CDRT4: variants seen among roughly 807,000 people sequenced by gnomAD.
CDRT4 encodes the protein CMT1A duplicated region transcript 4 protein.
For synonymous variants in CDRT4, 64 were observed against 69.6 expected (o/e 0.92, Z 0.40); for missense variants, 167 against 193.1 (o/e 0.87, Z 0.80).
intron 2 of CDRT4, among the ~76,000 whole-genome samples, chr17:15,446,672 C>T (rs1979042597): frequency 1.3e-5 from 2 of 152,054 alleles, no homozygotes; most frequent in Admixed American, 6.5e-5. Context: ...TTATACAGAC[C>T]GTGCCTCTTT....
At chr17:15,458,074 G>A (rs1251164640) in intron 1 of CDRT4, among the ~76,000 whole-genome samples, 1 of 152,228 alleles carries the variant, frequency 6.6e-6, no homozygotes, top group East Asian at 1.9e-4. Flanking sequence ...TGCAGGGCAA[G>A]GGTACAGTCC....
intron 1 of CDRT4, among the ~76,000 whole-genome samples, chr17:15,461,063 TCTAAA>T (rs1479930789): frequency 6.6e-6 from 1 of 152,218 alleles, no homozygotes; most frequent in Non-Finnish European, 1.5e-5. Context: ...AACTTCCTAC[TCTAAA>T]CTAGCCACTC....
In CDRT4 at chr17:15,437,536, A is replaced by G. The variant is rs1170512304; in HGVS notation, c.*237T>C. 6.4e-5 allele frequency: 36 copies of G among 565,956 alleles called. 1 individual carries two copies. The highest frequency in any genetic ancestry group is 1.9e-4 in the South Asian group (8 of 42,544). 35.1% of individuals were successfully genotyped at this position (565,956 alleles called of 1,614,324 possible). On this transcript the variant is annotated 3_prime_UTR_variant, in exon 4 of 4. Transcript: ENST00000619038. ...CCTGAGAATCTGCAGCAGAGACTAG[A>G]GCCAGGGACTGCCCAAACCCACCAG... is the stretch of plus-strand genomic sequence containing the variant.
Position 15,440,261 on chromosome 17 carries a change from T to C in CDRT4, c.-23A>G, listed in dbSNP as rs61740778. The stretch of plus-strand genomic sequence containing the variant: ...CATCTTCTTTTTAATATTTACTGAT[T>C]TCTTAACATCACAGGTTCAGATTCC... On this transcript the variant is annotated 5_prime_UTR_variant, in exon 3 of 4. Coordinates refer to ENST00000619038, the MANE Select transcript of CDRT4 (RefSeq NM_001204477.2). The C allele has an allele frequency of 3.7e-6, 6 of 1,612,910 alleles. No individual in the cohort carries two copies. Among genetic ancestry groups the C allele is most frequent in the Non-Finnish European group, 5.1e-6 (6 of 1,179,984 alleles).
chr17:15,452,281 G>A (rs1220333204), intron 2 of CDRT4, among the ~76,000 whole-genome samples: 1 of 152,210 alleles, frequency 6.6e-6, no homozygotes, highest in African/African-American at 2.4e-5. Context: ...CATAAAATGG[G>A]AATGATACAT....
intron 2 of CDRT4, among the ~76,000 whole-genome samples, chr17:15,446,565 G>GAA (rs1328182556): frequency 6.6e-6 from 1 of 152,012 alleles, no homozygotes; most frequent in Non-Finnish European, 1.5e-5. Context: ...CCCCAGAAAC[G>GAA]AACACACACA....
In CDRT4 at chr17:15,458,219, G is replaced by A. The variant is rs191702048; in HGVS notation, c.-129-5134C>T. Among the ~76,000 whole-genome samples the A allele has an allele frequency of 3.2e-4, 49 of 152,298 alleles. 1 individual carries two copies. The East Asian group carries it at 7.1e-3, about 22-fold the overall frequency. On this transcript the variant is annotated intron_variant, in intron 1 of 3. Coordinates refer to ENST00000619038, the MANE Select transcript of CDRT4 (RefSeq NM_001204477.2). ...ACCCTGTTTCCTCTGGCTCTGGAGG[G>A]TGGAGAGGAAGGACTTGCTTTACCC...
At chr17:15,441,934 T>C (rs538354418) in intron 2 of CDRT4, among the ~76,000 whole-genome samples, 13 of 152,296 alleles carry the variant, frequency 8.5e-5, no homozygotes, top group African/African-American at 2.4e-4. Flanking sequence ...TCATTTTTTT[T>C]TAATTGTAAG....
chr17:15,462,207 T>A (rs1043821277), intron 1 of CDRT4, among the ~76,000 whole-genome samples: 1 of 151,794 alleles, frequency 6.6e-6, no homozygotes, highest in Admixed American at 6.6e-5. Context: ...GGCAGGCAGA[T>A]CACGAGGTCA....
rs1978496202 is a variant in CDRT4, at chr17:15,436,565, G to A, written c.*1208C>T. ...CGCTTTGGGGCCAACTCAGAGCAAG[G>A]GTGAACCAATCCTAGCTGTCCTCTG... On this transcript the variant is annotated 3_prime_UTR_variant, in exon 4 of 4. Coordinates refer to ENST00000619038, the MANE Select transcript of CDRT4 (RefSeq NM_001204477.2). 6.6e-6 allele frequency: 1 copy of A among 152,202 alleles called. No homozygotes were observed. The allele number at this position is 152,202 out of a possible 1,614,324, so 9.4% of individuals were successfully genotyped here. A position where few individuals can be genotyped will look rare whatever the true frequency, so the allele number is the denominator to read the frequency against.
At chr17:15,465,805 G>T (rs1980011107) in intron 1 of CDRT4, among the ~76,000 whole-genome samples, 1 of 152,232 alleles carries the variant, frequency 6.6e-6, no homozygotes, top group African/African-American at 2.4e-5. Context: ...AGGGAAGAGG[G>T]GGAGGGAGCC....
chr17:15,461,014 A>G (rs1042803568), intron 1 of CDRT4, among the ~76,000 whole-genome samples: 1 of 152,110 alleles, frequency 6.6e-6, no homozygotes, highest in Non-Finnish European at 1.5e-5. Flanking sequence ...GATCATTTAA[A>G]TCTTAGCTCA....
chr17:15,465,310 C>G (rs1475124855), intron 1 of CDRT4, among the ~76,000 whole-genome samples: 1 of 147,364 alleles, frequency 6.8e-6, no homozygotes, highest in Non-Finnish European at 1.5e-5. Flanking sequence ...CACCAACACA[C>G]AGACACACAC....
At position 15,464,387 on chromosome 17, in the gene CDRT4, G is replaced by T. The variant is rs1433608298; in HGVS notation, c.-130+3073C>A. On this transcript the variant is annotated intron_variant, in intron 1 of 3. Transcript: ENST00000619038. This position sits in a 1 kb window ranked among gnomAD's most constrained non-coding sequence, Gnocchi z 4.5. Reference sequence around the variant, plus strand: ...GTCAAAGGAGGAAATGATTAGCACGGGTCCATGAGCATTACATATCACCCT... The same window carrying T: ...GTCAAAGGAGGAAATGATTAGCACGTGTCCATGAGCATTACATATCACCCT... Among the ~76,000 whole-genome samples the T allele has an allele frequency of 6.6e-6, 1 of 152,116 alleles. No individual in the cohort carries two copies. Among genetic ancestry groups the T allele is most frequent in the African/African-American group, 2.4e-5 (1 of 41,402 alleles).
At chr17:15,451,098 G>A (rs1013760358) in intron 2 of CDRT4, among the ~76,000 whole-genome samples, 1 of 152,172 alleles carries the variant, frequency 6.6e-6, no homozygotes, top group Non-Finnish European at 1.5e-5. Context: ...ACGTGTTGTG[G>A]GAGGGACCTG....
At chr17:15,443,960 C>T (rs1251786540) in intron 2 of CDRT4, 3 of 692,264 alleles carry the variant, frequency 4.3e-6, no homozygotes, top group Non-Finnish European at 8.1e-6. Flanking sequence ...GGTCTCCTGT[C>T]GAAATCCAAA....
rs1214012544 is a variant in CDRT4 at position 15,438,062 on chromosome 17, G to A, written c.170C>T (p.Ala57Val). The change falls in exon 4 of 4, where the codon GCC (alanine) becomes GTC (valine). Residue 57 changes from alanine to valine, a missense_variant. By Grantham distance (64) the Ala-to-Val change is moderately conservative. Transcript: ENST00000619038. ...SKTRELECMR[A>V]LEERPWASRQ... The stretch of plus-strand genomic sequence containing the variant: ...TGATGCCCAGGGTCTTTCCTCGAGG[G>A]CACGCATGCATTCCAGTTCTCTAGT... The A allele has an allele frequency of 6.2e-7, 1 of 1,613,994 alleles. No homozygotes were observed. The highest frequency in any genetic ancestry group is 2.2e-5 in the East Asian group (1 of 44,880).
intron 1 of CDRT4, among the ~76,000 whole-genome samples, chr17:15,459,834 C>T (rs1457074859): frequency 3.3e-5 from 5 of 152,080 alleles, no homozygotes; most frequent in African/African-American, 4.8e-5. Flanking sequence ...TGCTGCCATA[C>T]GGAATGATCT....
At chr17:15,465,858 G>A (rs763678115) in intron 1 of CDRT4, among the ~76,000 whole-genome samples, 4 of 151,936 alleles carry the variant, frequency 2.6e-5, no homozygotes, top group Non-Finnish European at 4.4e-5. Context: ...GCATCGTGAG[G>A]ACTCCAGACC....
Sources: allele counts gnomAD v4.1 joint callset (sites outside exome capture counted in the v4.1 genomes callset), GRCh38; gene constraint gnomAD v4.1.1; non-coding constraint Gnocchi (gnomAD v3.1); transcripts MANE v1.5; gene names NCBI Gene and HGNC (gene_info 2026-07-23, HGNC 2026-07-21).